RSPRY1: variants seen among roughly 807,000 people sequenced by gnomAD.
RSPRY1 encodes the protein RING finger and SPRY domain-containing protein 1.
RSPRY1 carries 23 observed loss-of-function variants against 73.1 expected under a neutral mutation model. The ratio of observed to expected loss-of-function variants is 0.31; its 90% CI spans 0.23 to 0.45. RSPRY1 has a LOEUF of 0.45. Among genes scored for constraint, RSPRY1 ranks in the 20% least tolerant of loss-of-function variants. The probability of loss-of-function intolerance (pLI) is 1.00; values close to 1 mark genes in which losing one functional copy is unlikely to be tolerated. For missense variants in RSPRY1, 448 were observed against 698.7 expected, an observed-to-expected ratio of 0.64 and a Z score of 4.05; for synonymous variants, 226 against 251.4, an observed-to-expected ratio of 0.90 and a Z score of 0.95.
In RSPRY1 at chr16:57,208,122, T is replaced by C. The variant is rs1366271293; in HGVS notation, c.403+12T>C. ...AATGGCAGAAACAGGTATTTTTAGT[T>C]TTGTTTTCATTACTTTATAATGAAT... On this transcript the variant is annotated intron_variant, in intron 3 of 14. Transcript: ENST00000394420. 1.4e-6 allele frequency: 2 copies of C among 1,476,082 alleles called. No homozygotes were observed. The highest frequency in any genetic ancestry group is 1.9e-6 in the Non-Finnish European group (2 of 1,066,778). The allele number at this position is 1,476,082 out of a possible 1,614,324, so 91.4% of individuals were successfully genotyped here.
intron 1 of RSPRY1, among the ~76,000 whole-genome samples, chr16:57,192,338 G>GA (rs1157790586): frequency 1.3e-5 from 2 of 152,066 alleles, no homozygotes; most frequent in Non-Finnish European, 2.9e-5. Flanking sequence ...CTCCTGGGGG[G>GA]AAAACCACAA....
Position 57,221,211 on chromosome 16 carries a change from A to G in RSPRY1, c.1018-61A>G, listed in dbSNP as rs544355536. ...AATACACTCAACCTTCCCAGTAGTC[A>G]GTTATCTTTGGTGGTCTTCAGGCCC... On this transcript the variant is annotated intron_variant, in intron 9 of 14. Transcript: ENST00000394420. 49 of 1,586,512 alleles carry G rather than the reference A, an allele frequency of 3.1e-5. No homozygotes were observed. The African/African-American group carries it at 5.8e-4, about 19-fold the overall frequency.
chr16:57,203,977 G>C (rs1296890374), intron 1 of RSPRY1, among the ~76,000 whole-genome samples: 2 of 152,028 alleles, frequency 1.3e-5, no homozygotes, highest in East Asian at 1.9e-4. Flanking sequence ...TATTCTCCTT[G>C]ATATCAAATG....
At chr16:57,222,422 C>G (rs2075053636) in intron 10 of RSPRY1, among the ~76,000 whole-genome samples, 1 of 152,174 alleles carries the variant, frequency 6.6e-6, no homozygotes, top group African/African-American at 2.4e-5. Flanking sequence ...AGGCCTATTT[C>G]AGCAAGGCTG....
intron 1 of RSPRY1, among the ~76,000 whole-genome samples, chr16:57,192,708 CTTT>C (rs373914013): frequency 8.9e-5 from 11 of 123,588 alleles, no homozygotes; most frequent in African/African-American, 2.7e-4. Flanking sequence ...TCCAGAGACT[CTTT>C]TTTTTTTTTT....
At chr16:57,194,060 C>T (rs1597850906) in intron 1 of RSPRY1, among the ~76,000 whole-genome samples, 1 of 150,784 alleles carries the variant, frequency 6.6e-6, no homozygotes, top group Non-Finnish European at 1.5e-5. Flanking sequence ...AATGAGATTC[C>T]GTTTAAAAAA....
At chr16:57,221,444 G>C (rs752027861) in intron 10 of RSPRY1, 29 bp downstream of exon 10, 1 of 1,574,782 alleles carries the variant, frequency 6.4e-7, no homozygotes, top group Admixed American at 1.9e-5. Context: ...TGTGAAAATG[G>C]GAGCAGTGGC....
intron 10 of RSPRY1, among the ~76,000 whole-genome samples, chr16:57,225,985 G>T (rs369122446): frequency 1.4e-3 from 206 of 152,278 alleles, no homozygotes; most frequent in African/African-American, 4.7e-3. Context: ...GGCTGAGGCA[G>T]GAGAATCGCT....
intron 4 of RSPRY1, among the ~76,000 whole-genome samples, chr16:57,211,080 A>G (rs1297780949): frequency 1.3e-5 from 2 of 152,196 alleles, no homozygotes; most frequent in Non-Finnish European, 2.9e-5. Flanking sequence ...TGATTTTCTT[A>G]TCTTTCTCTA....
At chr16:57,210,881 C>G (rs1415510648) in intron 4 of RSPRY1, among the ~76,000 whole-genome samples, 1 of 149,818 alleles carries the variant, frequency 6.7e-6, no homozygotes, top group South Asian at 2.1e-4. Context: ...AACAGGGTAA[C>G]GTGGTGCATG....
chr16:57,187,566 G>A (rs1281859899), intron 1 of RSPRY1, among the ~76,000 whole-genome samples: 1 of 152,202 alleles, frequency 6.6e-6, no homozygotes, highest in Non-Finnish European at 1.5e-5. Flanking sequence ...GTATGTGAAA[G>A]TACAAATTAC....
intron 10 of RSPRY1, among the ~76,000 whole-genome samples, chr16:57,222,901 G>A (rs2075061915): frequency 6.6e-6 from 1 of 152,178 alleles, no homozygotes; most frequent in Admixed American, 6.5e-5. Flanking sequence ...TTAATGACCA[G>A]TGAAGCTGGA....
intron 1 of RSPRY1, among the ~76,000 whole-genome samples, chr16:57,200,332 G>A (rs566513600): frequency 1.5e-4 from 23 of 151,228 alleles, no homozygotes; most frequent in African/African-American, 4.9e-4. Flanking sequence ...GCAACCATCC[G>A]ATTTCTCAAT....
intron 13 of RSPRY1, among the ~76,000 whole-genome samples, chr16:57,234,163 T>C (rs1317473904): frequency 6.6e-6 from 1 of 152,256 alleles, no homozygotes; most frequent in East Asian, 1.9e-4. Context: ...TCCTTGCTGC[T>C]CCTGAAACAC....
At position 57,235,227 on chromosome 16, in the gene RSPRY1, A is replaced by G; in HGVS notation, c.1633A>G (p.Ser545Gly). The change falls in exon 14 of 15, where the codon AGT becomes GGT. Residue 545 changes from serine (S) to glycine (G), a missense_variant and splice_region_variant. By Grantham distance (56) the Ser-to-Gly change is moderately conservative. Transcript: ENST00000394420. ...ADTQLKPCGH[S>G]DLCMDCALQL... The stretch of plus-strand genomic sequence containing the variant: ...CACACAATTGAAGCCATGTGGACAC[A>G]GGTAAGAGGATTTATATTAGGCAAA... The G allele has an allele frequency of 6.2e-7, 1 of 1,605,098 alleles. No individual in the cohort carries two copies.
At chr16:57,204,252 CAA>C (rs1409165745) in intron 1 of RSPRY1, among the ~76,000 whole-genome samples, 1 of 151,838 alleles carries the variant, frequency 6.6e-6, no homozygotes, top group Admixed American at 6.6e-5. Context: ...TTAAAAAAAT[CAA>C]TGATAACTCC....
At chr16:57,199,882 G>GT (rs1174562755) in intron 1 of RSPRY1, among the ~76,000 whole-genome samples, 26 of 65,106 alleles carry the variant, frequency 4.0e-4, no homozygotes, top group Admixed American at 8.8e-4. Flanking sequence ...TACTCATTTT[G>GT]TTTTTTTTGT....
intron 1 of RSPRY1, among the ~76,000 whole-genome samples, chr16:57,202,736 T>TTGCTGTCTTAATA (rs1271639828): frequency 1.3e-5 from 2 of 152,070 alleles, no homozygotes; most frequent in Non-Finnish European, 2.9e-5. Context: ...GGCCCAGCCA[T>TTGCTGTCTTAATA]TGCTGTCTTA....
chr16:57,213,962 A>G lies in RSPRY1; in HGVS notation c.702+16A>G, dbSNP rs527894977. The G allele has an allele frequency of 1.3e-6, 2 of 1,568,962 alleles. No homozygotes were observed. The highest frequency in any genetic ancestry group is 2.2e-5 in the South Asian group (2 of 90,152). ...ACAGTGTCTGGTAAGTGAGACATCA[A>G]AACTATTTATTCTTAGTCATCTAGA... On this transcript the variant is annotated intron_variant, in intron 6 of 14. Coordinates refer to ENST00000394420, the MANE Select transcript of RSPRY1 (RefSeq NM_133368.3).
Sources: allele counts gnomAD v4.1 joint callset (sites outside exome capture counted in the v4.1 genomes callset), GRCh38; gene constraint gnomAD v4.1.1; transcripts MANE v1.5; gene names NCBI Gene and HGNC (gene_info 2026-07-23, HGNC 2026-07-21).